Variants in CADPS2 observed in about 807,000 individuals in gnomAD.
CADPS2 encodes calcium dependent secretion activator 2, also known as calcium-dependent secretion activator 2.
A neutral mutation model predicts 172.5 loss-of-function variants in CADPS2; 93 were observed. That is an observed-to-expected ratio of 0.54 (90% confidence interval 0.46 to 0.64). CADPS2 has a LOEUF of 0.64. Among genes scored for constraint, CADPS2 ranks in the 30% least tolerant of loss-of-function variants. CADPS2 has a pLI of 0.00. For missense variants in CADPS2, 1,420 were observed against 1,565.9 expected (o/e 0.91, Z 1.57); for synonymous variants, 546 against 555.2 (o/e 0.98, Z 0.23).
At chr7:122,541,799 A>ACATATATT (rs1491498457) in intron 8 of CADPS2, among the ~76,000 whole-genome samples, 1 of 99,784 alleles carries the variant, frequency 1.0e-5, no homozygotes, top group East Asian at 3.2e-4. Flanking sequence ...TTATATATTC[A>ACATATATT]TATATATTTA....
chr7:122,582,337 C>A (rs1357317256), intron 6 of CADPS2, among the ~76,000 whole-genome samples: 2 of 151,914 alleles, frequency 1.3e-5, no homozygotes, highest in East Asian at 3.9e-4. Context: ...ATTGTGATTG[C>A]CTTCCTCTCC....
In CADPS2 at chr7:122,345,562, G is replaced by A; in HGVS notation, c.3612+12C>T. 1 of 1,472,492 alleles carries A rather than the reference G, an allele frequency of 6.8e-7. No homozygotes were observed. Among genetic ancestry groups the A allele is most frequent in the East Asian group, 2.3e-5 (1 of 44,086 alleles). 91.2% of individuals were successfully genotyped at this position (1,472,492 alleles called of 1,614,324 possible). On this transcript the variant is annotated intron_variant, in intron 28 of 29. Transcript: ENST00000449022. ...TATGGTGTCAGCATACCTTGCAAGG[G>A]AAGCTACTTACATCAAATAACTTTT...
At chr7:122,373,587 A>C (rs1213063521) in intron 25 of CADPS2, among the ~76,000 whole-genome samples, 1 of 152,180 alleles carries the variant, frequency 6.6e-6, no homozygotes, top group East Asian at 1.9e-4. Flanking sequence ...TTCCTGCTGA[A>C]GTCAATCGGT....
chr7:122,593,441 C>T (rs961908628), intron 6 of CADPS2, among the ~76,000 whole-genome samples: 2 of 151,916 alleles, frequency 1.3e-5, no homozygotes, highest in African/African-American at 4.8e-5. Context: ...GCTTGGAAAC[C>T]ACCAATAAGT....
intron 2 of CADPS2, among the ~76,000 whole-genome samples, chr7:122,691,395 C>A (rs1323131755): frequency 6.6e-6 from 1 of 152,250 alleles, no homozygotes; most frequent in Non-Finnish European, 1.5e-5. Flanking sequence ...GGTCTCCATG[C>A]ACTGCTATAG....
intron 1 of CADPS2, among the ~76,000 whole-genome samples, chr7:122,848,112 T>TA (rs1266808174): frequency 6.6e-6 from 1 of 152,214 alleles, no homozygotes; most frequent in Non-Finnish European, 1.5e-5. Context: ...GCTAATGTCT[T>TA]AATCTTATTA....
At position 122,726,832 on chromosome 7, in the gene CADPS2, A is replaced by G. The variant is rs116314065; in HGVS notation, c.453+10123T>C. 7.4e-3 allele frequency among the ~76,000 whole-genome samples: 1,122 copies of G among 151,874 alleles called. 10 individuals are homozygous for G. Among genetic ancestry groups the G allele is most frequent in the African/African-American group, 0.025 (1,049 of 41,468 alleles). On this transcript the variant is annotated intron_variant, in intron 2 of 29. Transcript: ENST00000449022. ...AGAGTTTGCTTGAATGAGGTGGATA[A>G]CTAACTATAGGTGTTCAAAGAAACA...
chr7:122,383,358 G>T (rs918500140), intron 24 of CADPS2, among the ~76,000 whole-genome samples: 7 of 151,960 alleles, frequency 4.6e-5, no homozygotes, highest in African/African-American at 1.7e-4. Flanking sequence ...GGGAGATGTG[G>T]ATGGAAAAAC....
At chr7:122,501,114 G>T (rs1000013623) in intron 9 of CADPS2, among the ~76,000 whole-genome samples, 8 of 152,024 alleles carry the variant, frequency 5.3e-5, no homozygotes, top group Non-Finnish European at 8.8e-5. Context: ...AATCAGCTAG[G>T]CATGATGGCA....
At chr7:122,558,789 T>A (rs955042592) in intron 7 of CADPS2, among the ~76,000 whole-genome samples, 2 of 152,184 alleles carry the variant, frequency 1.3e-5, no homozygotes, top group Non-Finnish European at 2.9e-5. Flanking sequence ...TCTTTTCTAC[T>A]GAGATACCTG....
Position 122,347,105 on chromosome 7 carries a change from G to A in CADPS2, c.3505-1424C>T, listed in dbSNP as rs547576299. Among the ~76,000 whole-genome samples the A allele has an allele frequency of 3.3e-4, 50 of 152,236 alleles. 1 individual carries two copies. Among genetic ancestry groups the A allele is most frequent in the African/African-American group, 1.1e-3 (47 of 41,552 alleles). Reference sequence around the variant, plus strand: ...TTGCATCATTTCGTATTCACAGAAAGCATTTATAACCTTTGTCAGCAGACT... The same window carrying A: ...TTGCATCATTTCGTATTCACAGAAAACATTTATAACCTTTGTCAGCAGACT... On this transcript the variant is annotated intron_variant, in intron 27 of 29. Coordinates refer to ENST00000449022, the MANE Select transcript of CADPS2 (RefSeq NM_017954.11).
At chr7:122,405,138 A>C (rs1340093663) in intron 20 of CADPS2, among the ~76,000 whole-genome samples, 2 of 147,434 alleles carry the variant, frequency 1.4e-5, no homozygotes, top group African/African-American at 5.4e-5. Flanking sequence ...AAACAAAAAA[A>C]CAAAACAAAA....
At chr7:122,462,350 G>A (rs541079089) in intron 14 of CADPS2, among the ~76,000 whole-genome samples, 1 of 147,216 alleles carries the variant, frequency 6.8e-6, no homozygotes, top group East Asian at 2.0e-4. Context: ...GTAATTGTTG[G>A]AAAATATAAA....
intron 2 of CADPS2, among the ~76,000 whole-genome samples, chr7:122,708,540 T>G (rs1485551616): frequency 4.1e-4 from 2 of 4,824 alleles, no homozygotes; most frequent in Admixed American, 2.4e-3. Context: ...TATATATATA[T>G]ATATATATAT....
intron 14 of CADPS2, among the ~76,000 whole-genome samples, chr7:122,458,657 T>C (rs2054086461): frequency 6.6e-6 from 1 of 152,176 alleles, no homozygotes; most frequent in Non-Finnish European, 1.5e-5. Context: ...ACCACTATGG[T>C]GAAAGCAATC....
chr7:122,382,615 A>G (rs2043158523), intron 24 of CADPS2, among the ~76,000 whole-genome samples: 1 of 152,116 alleles, frequency 6.6e-6, no homozygotes, highest in Non-Finnish European at 1.5e-5. Flanking sequence ...TATAACAGAC[A>G]ACATTTTTGG....
rs906502116 is a variant in CADPS2 at position 122,440,731 on chromosome 7, G to A, written c.2352+781C>T. 2.0e-5 allele frequency among the ~76,000 whole-genome samples: 3 copies of A among 152,120 alleles called. No homozygotes were observed. In the South Asian group the frequency reaches 6.2e-4, roughly 32 times the overall value. On this transcript the variant is annotated intron_variant, in intron 16 of 29. Transcript: ENST00000449022. Reference sequence around the variant, plus strand: ...AAATGGACAAGATCAAGTGTTAGAAGTCAATAAATCAGGATTACAATAATC... The same window carrying A: ...AAATGGACAAGATCAAGTGTTAGAAATCAATAAATCAGGATTACAATAATC...
chr7:122,529,262 A>C (rs946740830), intron 8 of CADPS2, among the ~76,000 whole-genome samples: 1 of 152,140 alleles, frequency 6.6e-6, no homozygotes, highest in Non-Finnish European at 1.5e-5. Context: ...TATTAGTTCA[A>C]ATAACTAAAT....
intron 2 of CADPS2, among the ~76,000 whole-genome samples, chr7:122,706,178 TAC>T (rs1491331959): frequency 0.046 from 953 of 20,576 alleles, 223 homozygotes; most frequent in East Asian, 0.075. Context: ...ATTCAAGGAA[TAC>T]ATATATATGC....
Sources: allele counts gnomAD v4.1 joint callset (sites outside exome capture counted in the v4.1 genomes callset), GRCh38; gene constraint gnomAD v4.1.1; transcripts MANE v1.5; gene names NCBI Gene and HGNC (gene_info 2026-07-23, HGNC 2026-07-21).